Variants in PTPRZ1 observed in about 807,000 individuals in gnomAD.
PTPRZ1 encodes the protein receptor-type tyrosine-protein phosphatase zeta.
In PTPRZ1, 82 loss-of-function variants were observed where a neutral mutation model predicts 214.1. The ratio of observed to expected loss-of-function variants is 0.38; its 90% CI spans 0.32 to 0.46. PTPRZ1 has a LOEUF of 0.46. Ranked by LOEUF, PTPRZ1 falls within the 20% of genes least tolerant of loss-of-function variation. PTPRZ1 has a pLI of 1.00. For synonymous variants in PTPRZ1, 945 were observed against 987.9 expected (o/e 0.96, Z 0.81); for missense variants, 2,603 against 2,748.7 (o/e 0.95, Z 1.19).
intron 1 of PTPRZ1, among the ~76,000 whole-genome samples, chr7:121,923,702 G>GC (rs1021633559): frequency 8.6e-5 from 13 of 151,184 alleles, no homozygotes; most frequent in African/African-American, 3.2e-4. Context: ...AACTTGGTGG[G>GC]GGGGTGGTAA....
intron 2 of PTPRZ1, among the ~76,000 whole-genome samples, chr7:121,954,202 A>G (rs993324448): frequency 6.6e-6 from 1 of 152,160 alleles, no homozygotes; most frequent in Non-Finnish European, 1.5e-5. Context: ...TTAACTCTGT[A>G]ACCACAGTTA....
At chr7:121,932,692 A>G (rs1292946810) in intron 2 of PTPRZ1, among the ~76,000 whole-genome samples, 5 of 152,208 alleles carry the variant, frequency 3.3e-5, no homozygotes, top group Non-Finnish European at 5.9e-5. Flanking sequence ...ATTTAGAAAT[A>G]TTACATTACA....
At chr7:121,971,442 T>G (rs1488977382) in intron 3 of PTPRZ1, among the ~76,000 whole-genome samples, 1 of 151,224 alleles carries the variant, frequency 6.6e-6, no homozygotes, top group African/African-American at 2.4e-5. Flanking sequence ...TTATGGGGAG[T>G]GTTGAGGGTT....
intron 4 of PTPRZ1, among the ~76,000 whole-genome samples, chr7:121,973,629 A>G (rs1797325895): frequency 6.6e-6 from 1 of 152,130 alleles, no homozygotes; most frequent in East Asian, 1.9e-4. Flanking sequence ...GGATTGACTT[A>G]TTACTCATAA....
At position 122,040,869 on chromosome 7, in the gene PTPRZ1, G is replaced by A. The variant is rs749894694; in HGVS notation, c.5691G>A (p.Thr1897=). The change falls in exon 21 of 30, where the codon ACG becomes ACA. Residue 1897 remains threonine (T), a synonymous_variant. Coordinates refer to ENST00000393386, the MANE Select transcript of PTPRZ1 (RefSeq NM_002851.3). ...SGRVVTQYHY[T]QWPDMGVPEY... is the part of the protein sequence containing the mutation. ...GTGTGGTCACACAGTATCACTACACGCAGTGGCCTGACATGGGAGTACCAG... is the reference window on the plus strand; with the variant it reads ...GTGTGGTCACACAGTATCACTACACACAGTGGCCTGACATGGGAGTACCAG... 37 of 1,602,988 alleles carry A rather than the reference G, an allele frequency of 2.3e-5. 1 individual carries two copies. The highest frequency in any genetic ancestry group is 2.7e-5 in the Non-Finnish European group (32 of 1,172,526).
intron 2 of PTPRZ1, among the ~76,000 whole-genome samples, chr7:121,947,693 A>G (rs1196490): frequency 0.62 from 93,906 of 152,042 alleles, 29,604 homozygotes; most frequent in African/African-American, 0.74. Context: ...AAATGGAAGC[A>G]GGATGTTGCA....
intron 12 of PTPRZ1, among the ~76,000 whole-genome samples, chr7:122,015,742 T>C (rs571772039): frequency 6.6e-6 from 1 of 152,210 alleles, no homozygotes; most frequent in Admixed American, 6.5e-5. Flanking sequence ...AATTATTGAC[T>C]AAAGCTTAGC....
intron 2 of PTPRZ1, among the ~76,000 whole-genome samples, chr7:121,943,926 G>T (rs1185261466): frequency 6.6e-6 from 1 of 152,172 alleles, no homozygotes; most frequent in Non-Finnish European, 1.5e-5. Context: ...GCACATGCAT[G>T]AATATATTTA....
At chr7:121,926,638 C>G (rs544288260) in intron 1 of PTPRZ1, among the ~76,000 whole-genome samples, 1 of 152,106 alleles carries the variant, frequency 6.6e-6, no homozygotes, top group African/African-American at 2.4e-5. Flanking sequence ...TTTCCTAGGG[C>G]TGGGGGATGG....
rs139790820 is a variant in PTPRZ1, at chr7:121,976,791, A to G, written c.559A>G (p.Thr187Ala). The change falls in exon 6 of 30, where the codon ACA becomes GCA. Residue 187 changes from threonine to alanine, a missense_variant. Physicochemically the swap from Thr to Ala is moderately conservative, Grantham distance 58. Around this residue, in one of 6 missense-constraint regions of PTPRZ1, gnomAD observed 244 missense variants for 333.2 expected, o/e 0.73. Coordinates refer to ENST00000393386, the MANE Select transcript of PTPRZ1 (RefSeq NM_002851.3). ...RALSILFEVG[T>A]EENLDFKAII... ...TGTGATTCTTTTTTAACAGGTTGGG[A>G]CAGAAGAAAATTTGGATTTCAAAGC... The G allele has an allele frequency of 1.2e-3, 1,851 of 1,609,380 alleles. 3 individuals carry two copies. Among genetic ancestry groups the G allele is most frequent in the Non-Finnish European group, 1.5e-3 (1,764 of 1,177,370 alleles).
intron 1 of PTPRZ1, among the ~76,000 whole-genome samples, chr7:121,889,863 G>T (rs985708744): frequency 1.3e-5 from 2 of 152,128 alleles, no homozygotes; most frequent in African/African-American, 4.8e-5. Flanking sequence ...GCTTTCAATT[G>T]TTATCATTGT....
intron 1 of PTPRZ1, among the ~76,000 whole-genome samples, chr7:121,876,012 C>T (rs1794047973): frequency 6.6e-6 from 1 of 152,286 alleles, no homozygotes; most frequent in Non-Finnish European, 1.5e-5. Flanking sequence ...GGCTGTCATT[C>T]TTACCATTAT....
chr7:122,057,316 A>G (rs943957441), intron 27 of PTPRZ1, among the ~76,000 whole-genome samples: 2 of 151,992 alleles, frequency 1.3e-5, no homozygotes, highest in Non-Finnish European at 1.5e-5. Context: ...TGTTGGTTTT[A>G]ATTTGCATTT....
At chr7:122,027,955 T>C (rs1799252261) in intron 13 of PTPRZ1, among the ~76,000 whole-genome samples, 1 of 152,202 alleles carries the variant, frequency 6.6e-6, no homozygotes, top group African/African-American at 2.4e-5. Context: ...TATTACAGCA[T>C]GAAGCCACTT....
intron 4 of PTPRZ1, among the ~76,000 whole-genome samples, chr7:121,975,542 C>A: frequency 6.6e-6 from 1 of 152,150 alleles, no homozygotes; most frequent in East Asian, 1.9e-4. Context: ...ACTGACTATG[C>A]TTTATGCTCT....
intron 26 of PTPRZ1, among the ~76,000 whole-genome samples, 174 bp downstream of exon 26, chr7:122,054,212 G>A (rs977696077): frequency 4.6e-5 from 7 of 152,026 alleles, no homozygotes; most frequent in African/African-American, 1.7e-4. Context: ...CAATCTCCTA[G>A]GTCAAAGTGA....
intron 2 of PTPRZ1, among the ~76,000 whole-genome samples, chr7:121,950,473 A>T (rs1468080344): frequency 6.6e-6 from 1 of 152,244 alleles, no homozygotes; most frequent in African/African-American, 2.4e-5. Flanking sequence ...ATAAAGAAGC[A>T]AAGTAAAATC....
intron 2 of PTPRZ1, among the ~76,000 whole-genome samples, chr7:121,966,118 TCTTA>T (rs76786345): frequency 0.33 from 49,347 of 151,684 alleles, 9,562 homozygotes; most frequent in Middle Eastern, 0.43. Context: ...CAGGATAACT[TCTTA>T]CTTCAGGGGA....
chr7:121,892,117 C>G (rs1354877934), intron 1 of PTPRZ1, among the ~76,000 whole-genome samples: 2 of 151,704 alleles, frequency 1.3e-5, no homozygotes, highest in Admixed American at 6.6e-5. Context: ...TGCTTTATAC[C>G]ATAATTTTAG....
Sources: gnomAD v4.1 joint callset for allele counts (sites outside exome capture counted in the v4.1 genomes callset) on GRCh38, gnomAD v4.1.1 for gene constraint, gnomAD v4.1.1 regional missense constraint, MANE v1.5 for transcripts, NCBI Gene and HGNC (gene_info 2026-07-23, HGNC 2026-07-21) for gene names.